The following VPS13B variants were observed in gnomAD, a reference collection of about 807,000 sequenced individuals.
VPS13B encodes vacuolar protein sorting 13 homolog B.
In VPS13B, 285 loss-of-function variants were observed where a neutral mutation model predicts 426.4. That is an observed-to-expected ratio of 0.67 (90% CI 0.61 to 0.74). The LOEUF (loss-of-function observed/expected upper bound fraction) is 0.74, where lower values mean the gene tolerates loss of function less well. Ranked by LOEUF, VPS13B falls within the 30% of genes least tolerant of loss-of-function variation. The probability of loss-of-function intolerance (pLI) is 0.00; values close to 1 mark genes in which losing one functional copy is unlikely to be tolerated. For missense variants in VPS13B, 4,537 were observed against 4,782.6 expected, an observed-to-expected ratio of 0.95 and a Z score of 1.51; for synonymous variants, 1,676 against 1,676.4, an observed-to-expected ratio of 1.00 and a Z score of 0.01.
At chr8:99,080,665 G>A (rs1488278127) in intron 3 of VPS13B, among the ~76,000 whole-genome samples, 2 of 152,124 alleles carry the variant, frequency 1.3e-5, no homozygotes, top group Admixed American at 6.5e-5. Context: ...TTTTGTGTTT[G>A]TTTGCATAGA....
chr8:99,571,990 A>G (rs1825499856), intron 31 of VPS13B, among the ~76,000 whole-genome samples: 2 of 152,192 alleles, frequency 1.3e-5, no homozygotes, highest in Non-Finnish European at 2.9e-5. Context: ...CTACTCTGAT[A>G]AAAACAAAAA....
intron 2 of VPS13B, among the ~76,000 whole-genome samples, chr8:99,024,211 A>G (rs757248455): frequency 6.6e-6 from 1 of 152,180 alleles, no homozygotes; most frequent in Admixed American, 6.5e-5. Flanking sequence ...CTTTTGAGAA[A>G]TGTCTACTCA....
intron 8 of VPS13B, among the ~76,000 whole-genome samples, chr8:99,130,201 TCATTGCTCAGCTTA>T (rs1481139171): frequency 6.6e-6 from 1 of 152,190 alleles, no homozygotes; most frequent in Non-Finnish European, 1.5e-5. Flanking sequence ...GCATTAGAAT[TCATTGCTCAGCTTA>T]GATTTGAAGA....
intron 30 of VPS13B, among the ~76,000 whole-genome samples, chr8:99,549,347 T>G (rs1343609464): frequency 6.6e-6 from 1 of 152,156 alleles, no homozygotes; most frequent in Non-Finnish European, 1.5e-5. Flanking sequence ...TAGTACGTGC[T>G]TTATCCAGCT....
At chr8:99,363,329 A>G (rs1588294352) in intron 19 of VPS13B, among the ~76,000 whole-genome samples, 1 of 151,910 alleles carries the variant, frequency 6.6e-6, no homozygotes, top group South Asian at 2.1e-4. Flanking sequence ...AGATGGATGG[A>G]TTTGTTTCCT....
At chr8:99,542,994 G>A (rs1009827385) in intron 30 of VPS13B, among the ~76,000 whole-genome samples, 13 of 152,064 alleles carry the variant, frequency 8.5e-5, no homozygotes, top group Non-Finnish European at 1.3e-4. Flanking sequence ...AAAAGAGCCC[G>A]CATTGCCAAG....
chr8:99,149,565 G>T (rs930943370), intron 14 of VPS13B, among the ~76,000 whole-genome samples: 1 of 151,494 alleles, frequency 6.6e-6, no homozygotes, highest in Non-Finnish European at 1.5e-5. Flanking sequence ...TGATCCACCT[G>T]CCTCAGCCTT....
chr8:99,305,577 T>C (rs1347871284), intron 19 of VPS13B, among the ~76,000 whole-genome samples: 1 of 152,102 alleles, frequency 6.6e-6, no homozygotes, highest in Non-Finnish European at 1.5e-5. Context: ...ATCATTAGTT[T>C]TTTATCAGTG....
chr8:99,843,218 C>A (rs1462425520), intron 54 of VPS13B, among the ~76,000 whole-genome samples: 1 of 152,100 alleles, frequency 6.6e-6, no homozygotes, highest in Non-Finnish European at 1.5e-5. Flanking sequence ...ATTCAAATGG[C>A]AAAACGGTGA....
chr8:99,644,359 A>G (rs1829492407), intron 34 of VPS13B, among the ~76,000 whole-genome samples: 1 of 152,164 alleles, frequency 6.6e-6, no homozygotes, highest in South Asian at 2.1e-4. Flanking sequence ...CTCCCAAATC[A>G]TGTGTTTATA....
At chr8:99,245,234 G>T (rs916592201) in intron 17 of VPS13B, among the ~76,000 whole-genome samples, 1 of 152,158 alleles carries the variant, frequency 6.6e-6, no homozygotes, top group Non-Finnish European at 1.5e-5. Flanking sequence ...TTTCAGTGGT[G>T]ATAGTGACTG....
intron 15 of VPS13B, among the ~76,000 whole-genome samples, chr8:99,167,093 TA>T (rs1812049085): frequency 6.6e-6 from 1 of 152,174 alleles, no homozygotes; most frequent in African/African-American, 2.4e-5. Flanking sequence ...AAGATGTCCC[TA>T]ATCCTTTTGG....
intron 17 of VPS13B, among the ~76,000 whole-genome samples, chr8:99,258,135 AC>A (rs1181835412): frequency 6.6e-6 from 1 of 151,798 alleles, no homozygotes; most frequent in African/African-American, 2.4e-5. Flanking sequence ...CAATAATTTA[AC>A]CAAATAACAT....
intron 21 of VPS13B, among the ~76,000 whole-genome samples, chr8:99,398,901 A>G (rs1255987461): frequency 6.6e-6 from 1 of 151,664 alleles, no homozygotes; most frequent in East Asian, 1.9e-4. Context: ...TTTTTCTCAT[A>G]CAGGGAACCA....
chr8:99,341,770 A>G (rs1333377072), intron 19 of VPS13B: 63 of 389,946 alleles, frequency 1.6e-4, no homozygotes, highest in Admixed American at 1.5e-3. Context: ...ATCTGGGTCA[A>G]ACCCCCAGGC....
intron 19 of VPS13B, among the ~76,000 whole-genome samples, chr8:99,286,259 A>G (rs533156041): frequency 1.3e-3 from 196 of 152,340 alleles, no homozygotes; most frequent in African/African-American, 4.5e-3. Flanking sequence ...GTTCGCAGGT[A>G]CATATTTCAT....
intron 19 of VPS13B, among the ~76,000 whole-genome samples, chr8:99,367,507 A>G (rs981691098): frequency 3.9e-5 from 6 of 151,964 alleles, no homozygotes; most frequent in Non-Finnish European, 7.4e-5. Context: ...TGTTCTGTAA[A>G]CCTCTTATAC....
intron 17 of VPS13B, among the ~76,000 whole-genome samples, chr8:99,209,020 C>G (rs1291424380): frequency 2.0e-5 from 3 of 152,054 alleles, no homozygotes; most frequent in Non-Finnish European, 2.9e-5. Flanking sequence ...GTGGCTCATG[C>G]CTGTAATCCC....
intron 33 of VPS13B, among the ~76,000 whole-genome samples, chr8:99,627,468 G>A (rs1161708454): frequency 1.3e-5 from 2 of 151,854 alleles, no homozygotes; most frequent in African/African-American, 4.8e-5. Context: ...CAGGCTAGAG[G>A]GCAGTGGTGC....
Sources: gnomAD v4.1 joint callset for allele counts (sites outside exome capture counted in the v4.1 genomes callset) on GRCh38, gnomAD v4.1.1 for gene constraint, MANE v1.5 for transcripts, NCBI Gene and HGNC (gene_info 2026-07-23, HGNC 2026-07-21) for gene names.